GLIS3: variants seen among roughly 807,000 people sequenced by gnomAD.
GLIS3 encodes the protein zinc finger protein GLIS3.
Under a neutral mutation model 78.6 loss-of-function variants are expected in GLIS3, and 53 were observed. That is an observed-to-expected ratio of 0.67 (90% CI 0.54 to 0.85). The LOEUF is 0.85. GLIS3 is among the 40% of genes least tolerant of loss of function. The pLI, the probability that GLIS3 is intolerant of heterozygous loss-of-function variation, is 0.00. For missense variants in GLIS3, 1,703 were observed against 1,231.1 expected (o/e 1.38, Z -5.74); for synonymous variants, 684 against 509.9 (o/e 1.34, Z -4.60).
intron 1 of GLIS3, among the ~76,000 whole-genome samples, chr9:4,292,042 A>G (rs1382621442): frequency 6.6e-6 from 1 of 152,172 alleles, no homozygotes; most frequent in Non-Finnish European, 1.5e-5. Context: ...ATCACACAAA[A>G]TGAAAACGAA....
chr9:4,394,824 C>G, the GLIS3 span, among the ~76,000 whole-genome samples: 2 of 152,276 alleles, frequency 1.3e-5, no homozygotes, highest in Admixed American at 6.5e-5. Context: ...TGTATTATAG[C>G]AATAACAAAA....
At chr9:4,096,113 A>C (rs1018451297) in intron 4 of GLIS3, among the ~76,000 whole-genome samples, 1 of 152,238 alleles carries the variant, frequency 6.6e-6, no homozygotes, top group African/African-American at 2.4e-5. Context: ...AAGGAGAAAA[A>C]AACAAAGATA....
intron 4 of GLIS3, among the ~76,000 whole-genome samples, chr9:4,026,069 A>G (rs1823315554): frequency 6.6e-6 from 1 of 152,192 alleles, no homozygotes; most frequent in Non-Finnish European, 1.5e-5. Context: ...TACAACATTA[A>G]CATTATTAAT....
intron 1 of GLIS3, among the ~76,000 whole-genome samples, chr9:4,290,404 T>C (rs1828350753): frequency 6.6e-6 from 1 of 152,160 alleles, no homozygotes; most frequent in Admixed American, 6.5e-5. Flanking sequence ...TTTTATTTTT[T>C]CCCTTTGGGT....
the GLIS3 span, among the ~76,000 whole-genome samples, chr9:4,454,779 G>A: frequency 1.3e-5 from 2 of 152,114 alleles, no homozygotes; most frequent in Non-Finnish European, 2.9e-5. Flanking sequence ...CACAATGAGG[G>A]GAGTTATTCA....
Position 3,879,613 on chromosome 9 carries a change from C to G in GLIS3, c.2129-18G>C, listed in dbSNP as rs776463350. 4 of 1,613,702 alleles carry G rather than the reference C, an allele frequency of 2.5e-6. No homozygotes were observed. In the Admixed American group the frequency reaches 6.7e-5, roughly 27 times the overall value. ...AATGGGAGCTGAAATCAAGGGAGAA[C>G]AAACATGAGACCGTGCCCCAAAGGA... On this transcript the variant is annotated intron_variant, in intron 7 of 10. Transcript: ENST00000381971.
At chr9:4,467,471 G>C in the GLIS3 span, among the ~76,000 whole-genome samples, 2 of 152,168 alleles carry the variant, frequency 1.3e-5, no homozygotes, top group Non-Finnish European at 2.9e-5. Flanking sequence ...TTGCCATTCT[G>C]CAATATTTGC....
chr9:4,247,794 T>A (rs1404545069), intron 2 of GLIS3, among the ~76,000 whole-genome samples: 2 of 152,244 alleles, frequency 1.3e-5, no homozygotes, highest in Non-Finnish European at 2.9e-5. Context: ...ATTATTTTAC[T>A]TTTATGTAGT....
the GLIS3 span, chr9:4,490,391 C>A: frequency 4.6e-6 from 1 of 216,672 alleles, no homozygotes; most frequent in Non-Finnish European, 8.8e-6. Context: ...GCCTGCCGCT[C>A]CTCCCTCCTT....
At chr9:4,228,609 T>C (rs1024026477) in intron 2 of GLIS3, among the ~76,000 whole-genome samples, 4 of 152,246 alleles carry the variant, frequency 2.6e-5, no homozygotes, top group African/African-American at 9.6e-5. Context: ...GCAGTACAGG[T>C]ACCGTTCTAC....
At chr9:4,226,528 C>G (rs753184217) in intron 2 of GLIS3, among the ~76,000 whole-genome samples, 1 of 152,104 alleles carries the variant, frequency 6.6e-6, no homozygotes, top group African/African-American at 2.4e-5. Context: ...CCGACTATGC[C>G]TAAGGGGGAG....
chr9:4,016,903 C>T (rs1822488979), intron 4 of GLIS3, among the ~76,000 whole-genome samples: 1 of 152,146 alleles, frequency 6.6e-6, no homozygotes, highest in East Asian at 1.9e-4. Flanking sequence ...CAAGGAACTG[C>T]TGAGGTCTCA....
At chr9:4,181,342 T>G (rs1338500963) in intron 2 of GLIS3, among the ~76,000 whole-genome samples, 1 of 152,200 alleles carries the variant, frequency 6.6e-6, no homozygotes, top group Non-Finnish European at 1.5e-5. Flanking sequence ...TCCCAGCCAC[T>G]TGGCTCCCTT....
intron 2 of GLIS3, among the ~76,000 whole-genome samples, chr9:4,206,506 G>C (rs1194018305): frequency 2.0e-5 from 3 of 152,156 alleles, no homozygotes; most frequent in African/African-American, 7.2e-5. Flanking sequence ...GAACTGCTTT[G>C]GAAAATCCCA....
intron 2 of GLIS3, among the ~76,000 whole-genome samples, chr9:4,204,127 A>C (rs555164440): frequency 6.6e-6 from 1 of 152,360 alleles, no homozygotes; most frequent in East Asian, 1.9e-4. Flanking sequence ...AGATTACTAA[A>C]ATGTCAGATA....
the GLIS3 span, among the ~76,000 whole-genome samples, chr9:4,439,245 G>A: frequency 6.6e-6 from 1 of 152,056 alleles, no homozygotes; most frequent in Non-Finnish European, 1.5e-5. Flanking sequence ...TTTTTAAAAT[G>A]TTTATTGAGA....
chr9:3,841,938 C>A (rs542378358), intron 9 of GLIS3, among the ~76,000 whole-genome samples: 1 of 152,182 alleles, frequency 6.6e-6, no homozygotes, highest in African/African-American at 2.4e-5. Flanking sequence ...CATAAACTCA[C>A]AAGCAATCTT....
intron 2 of GLIS3, among the ~76,000 whole-genome samples, chr9:4,248,631 T>A (rs1001406652): frequency 2.0e-5 from 3 of 152,218 alleles, no homozygotes; most frequent in Non-Finnish European, 4.4e-5. Flanking sequence ...GGTCAAATGG[T>A]ATTTCTGGTT....
intron 2 of GLIS3, among the ~76,000 whole-genome samples, chr9:4,268,014 T>C (rs1432310238): frequency 1.3e-5 from 2 of 152,080 alleles, no homozygotes; most frequent in East Asian, 1.9e-4. Flanking sequence ...AATATATACA[T>C]AGATGTGTAT....
Sources: allele counts gnomAD v4.1 joint callset (sites outside exome capture counted in the v4.1 genomes callset), GRCh38; gene constraint gnomAD v4.1.1; transcripts MANE v1.5; gene names NCBI Gene and HGNC (gene_info 2026-07-23, HGNC 2026-07-21).